OLFM3: variants seen among roughly 807,000 people sequenced by gnomAD.
OLFM3 encodes the protein noelin-3.
Under a neutral mutation model 48.6 loss-of-function variants are expected in OLFM3, and 20 were observed. The ratio of observed to expected loss-of-function variants is 0.41; its 90% confidence interval spans 0.29 to 0.60. OLFM3 has a LOEUF of 0.60. Ranked by LOEUF, OLFM3 falls within the 20% of genes least tolerant of loss-of-function variation. The pLI is 0.28. For missense variants in OLFM3, 437 were observed against 544.3 expected, an observed-to-expected ratio of 0.80 and a Z score of 1.96; for synonymous variants, 222 against 198.1, an observed-to-expected ratio of 1.12 and a Z score of -1.01.
At chr1:101,986,194 G>A (rs1042554317) in intron 1 of OLFM3, among the ~76,000 whole-genome samples, 1 of 152,030 alleles carries the variant, frequency 6.6e-6, no homozygotes, top group South Asian at 2.1e-4. Flanking sequence ...CTCGATCCCT[G>A]ACCTCGTGAT....
At chr1:101,993,038 A>G (rs1270596956) in intron 1 of OLFM3, among the ~76,000 whole-genome samples, 1 of 152,146 alleles carries the variant, frequency 6.6e-6, no homozygotes, top group Non-Finnish European at 1.5e-5. Context: ...GGTTCCCCTG[A>G]TAGGGCATTT....
intron 1 of OLFM3, among the ~76,000 whole-genome samples, chr1:101,961,832 A>G (rs1195096098): frequency 6.6e-6 from 1 of 152,182 alleles, no homozygotes; most frequent in Non-Finnish European, 1.5e-5. Flanking sequence ...ATGTTAAAAA[A>G]ATCGAAAGAA....
chr1:101,809,882 T>C (rs1653965165), intron 4 of OLFM3, among the ~76,000 whole-genome samples: 1 of 151,892 alleles, frequency 6.6e-6, no homozygotes, highest in African/African-American at 2.4e-5. Context: ...CAAGGAACAA[T>C]ATAAACATTG....
At chr1:101,822,562 A>T (rs575319337) in intron 4 of OLFM3, among the ~76,000 whole-genome samples, 3 of 152,318 alleles carry the variant, frequency 2.0e-5, no homozygotes, top group Admixed American at 6.5e-5. Context: ...CCCTACACAG[A>T]CAAATCCTAC....
At chr1:101,836,333 T>G (rs1218235197) in intron 2 of OLFM3, among the ~76,000 whole-genome samples, 1 of 152,192 alleles carries the variant, frequency 6.6e-6, no homozygotes, top group Non-Finnish European at 1.5e-5. Flanking sequence ...ACATTCTGCA[T>G]TTGATTGTTA....
chr1:101,934,455 C>A (rs1659549231), intron 1 of OLFM3, among the ~76,000 whole-genome samples: 1 of 152,118 alleles, frequency 6.6e-6, no homozygotes, highest in South Asian at 2.1e-4. Context: ...ATACACACAG[C>A]ACCCAGATTC....
chr1:101,886,633 C>T (rs538446460), intron 1 of OLFM3, among the ~76,000 whole-genome samples: 24 of 152,128 alleles, frequency 1.6e-4, no homozygotes, highest in East Asian at 5.8e-4. Flanking sequence ...CTAGTTAAGA[C>T]GACTCCAGGT....
At chr1:101,849,300 G>C (rs1298654848) in intron 1 of OLFM3, among the ~76,000 whole-genome samples, 2 of 152,210 alleles carry the variant, frequency 1.3e-5, no homozygotes, top group Admixed American at 6.5e-5. Flanking sequence ...TTGAGTCCTA[G>C]TTTGTAAGTG....
At chr1:101,914,374 A>C (rs1658858999) in intron 1 of OLFM3, among the ~76,000 whole-genome samples, 1 of 152,150 alleles carries the variant, frequency 6.6e-6, no homozygotes, top group African/African-American at 2.4e-5. Context: ...TGGGAGCATA[A>C]CTGAGGGTGG....
chr1:101,944,490 A>G (rs1249909210), intron 1 of OLFM3, among the ~76,000 whole-genome samples: 1 of 152,146 alleles, frequency 6.6e-6, no homozygotes, highest in Non-Finnish European at 1.5e-5. Context: ...TTCCTAACCT[A>G]GATATGGATA....
intron 1 of OLFM3, among the ~76,000 whole-genome samples, chr1:101,992,200 A>G (rs879511350): frequency 2.6e-5 from 4 of 152,168 alleles, no homozygotes; most frequent in Non-Finnish European, 5.9e-5. Context: ...AATCATCACA[A>G]TTGCCACTTT....
chr1:101,904,203 G>A (rs1048296477), intron 1 of OLFM3, among the ~76,000 whole-genome samples: 1 of 151,960 alleles, frequency 6.6e-6, no homozygotes, highest in Non-Finnish European at 1.5e-5. Flanking sequence ...AACTGTTTAA[G>A]ATCATCAAAA....
rs114778474 is a variant in OLFM3 at position 101,966,781 on chromosome 1, G to C, written c.69+29967C>G. 6.6e-3 allele frequency among the ~76,000 whole-genome samples: 1,003 copies of C among 152,178 alleles called. 9 individuals carry two copies. Among genetic ancestry groups the C allele is most frequent in the African/African-American group, 0.022 (920 of 41,498 alleles). The stretch of plus-strand genomic sequence containing the variant: ...TTCTCCTTTTTCTAGTTAATACACT[G>C]ATATGGTCTTTCTGAATTTTGAAGG... On this transcript the variant is annotated intron_variant, in intron 1 of 5. Transcript: ENST00000370103.
intron 1 of OLFM3, among the ~76,000 whole-genome samples, chr1:101,954,014 T>C (rs1330834769): frequency 9.9e-5 from 15 of 152,168 alleles, no homozygotes; most frequent in Non-Finnish European, 1.9e-4. Flanking sequence ...TTTATTTTCT[T>C]GATCTTTATG....
At chr1:101,956,843 A>G (rs753329097) in intron 1 of OLFM3, among the ~76,000 whole-genome samples, 1 of 151,906 alleles carries the variant, frequency 6.6e-6, no homozygotes, top group Non-Finnish European at 1.5e-5. Flanking sequence ...TTTTGCATCT[A>G]TTTGGTTTTT....
At chr1:101,891,235 GAATCATT>G (rs1657982733) in intron 1 of OLFM3, among the ~76,000 whole-genome samples, 1 of 151,906 alleles carries the variant, frequency 6.6e-6, no homozygotes, top group Admixed American at 6.6e-5. Flanking sequence ...TCCATCCCAT[GAATCATT>G]AACTTAGTAT....
intron 1 of OLFM3, among the ~76,000 whole-genome samples, chr1:101,926,891 T>A (rs1300384872): frequency 6.6e-6 from 1 of 152,084 alleles, no homozygotes; most frequent in African/African-American, 2.4e-5. Flanking sequence ...TTAATGCATT[T>A]CTAAAAAAGA....
At chr1:101,853,435 CTTT>C (rs553858143) in intron 1 of OLFM3, among the ~76,000 whole-genome samples, 1 of 151,962 alleles carries the variant, frequency 6.6e-6, no homozygotes, top group African/African-American at 2.4e-5. Context: ...TGCTGCTTTA[CTTT>C]TTTTCTCCTT....
In OLFM3 at chr1:101,812,681, AG is replaced by A. The variant is rs1405705192; in HGVS notation, c.593-6500del. 3.0e-6 allele frequency: 3 copies of A among 985,650 alleles called. No homozygotes were observed. The African/African-American group carries it at 5.2e-5, about 17-fold the overall frequency. The allele number at this position is 985,650 out of a possible 1,614,324, so 61.1% of individuals were successfully genotyped here. A position where few individuals can be genotyped will look rare whatever the true frequency, so the allele number is the denominator to read the frequency against. ...ATCCAGCCTTGCATCTCTATGGCAAAGGGATACTGCTGAGTCTTAGGTTGTT... is the reference window on the plus strand; with the variant it reads ...ATCCAGCCTTGCATCTCTATGGCAAAGGATACTGCTGAGTCTTAGGTTGTT... On this transcript the variant is annotated intron_variant, in intron 4 of 5. Coordinates refer to ENST00000370103, the MANE Select transcript of OLFM3 (RefSeq NM_058170.4).
Sources: gnomAD v4.1 joint callset for allele counts (sites outside exome capture counted in the v4.1 genomes callset) on GRCh38, gnomAD v4.1.1 for gene constraint, MANE v1.5 for transcripts, NCBI Gene and HGNC (gene_info 2026-07-23, HGNC 2026-07-21) for gene names.